ST7L: variants seen among roughly 807,000 people sequenced by gnomAD.
ST7L encodes the protein suppressor of tumorigenicity 7 protein-like.
A neutral mutation model predicts 72.5 loss-of-function variants in ST7L; 57 were observed. That is an observed-to-expected ratio of 0.79 (90% CI 0.64 to 0.98). The LOEUF (loss-of-function observed/expected upper bound fraction) is 0.98. Ranked by LOEUF, ST7L falls within the 50% of genes least tolerant of loss-of-function variation. The pLI, the probability that ST7L is intolerant of heterozygous loss-of-function variation, is 0.00. For missense variants in ST7L, 576 were observed against 672.2 expected (o/e 0.86, Z 1.58); for synonymous variants, 221 against 240.9 (o/e 0.92, Z 0.77).
At chr1:112,535,496 G>A (rs1018239849) in intron 14 of ST7L, among the ~76,000 whole-genome samples, 3 of 152,068 alleles carry the variant, frequency 2.0e-5, no homozygotes, top group Admixed American at 6.6e-5. Context: ...TTGGTAGGCC[G>A]GTGTGGACAG....
intron 3 of ST7L, among the ~76,000 whole-genome samples, chr1:112,602,713 C>CTTTTTT (rs35617753): frequency 2.9e-4 from 35 of 120,488 alleles, no homozygotes; most frequent in African/African-American, 4.2e-4. Flanking sequence ...CATTTTCTTT[C>CTTTTTT]TTTTTTTTTT....
chr1:112,579,581 T>A (rs1196231338), intron 9 of ST7L, among the ~76,000 whole-genome samples: 1 of 152,048 alleles, frequency 6.6e-6, no homozygotes, highest in Non-Finnish European at 1.5e-5. Flanking sequence ...TTCCTAGATT[T>A]ATTTTTCTTA....
At chr1:112,591,093 G>T (rs1343854015) in intron 6 of ST7L, among the ~76,000 whole-genome samples, 1 of 151,942 alleles carries the variant, frequency 6.6e-6, no homozygotes, top group African/African-American at 2.4e-5. Flanking sequence ...CCCATGCCCG[G>T]CTAATTTTTT....
At chr1:112,566,002 C>T (rs529743477) in intron 11 of ST7L, among the ~76,000 whole-genome samples, 5 of 148,416 alleles carry the variant, frequency 3.4e-5, no homozygotes, top group East Asian at 2.0e-4. Context: ...CAGAACAAAA[C>T]TCTGTCTCAA....
chr1:112,609,371 A>C (rs1460006247), intron 3 of ST7L, among the ~76,000 whole-genome samples: 2 of 152,074 alleles, frequency 1.3e-5, no homozygotes, highest in African/African-American at 4.8e-5. Context: ...TCTCTACTAA[A>C]AATACAAAAA....
At chr1:112,591,973 A>C (rs1665785835) in intron 5 of ST7L, among the ~76,000 whole-genome samples, 1 of 152,176 alleles carries the variant, frequency 6.6e-6, no homozygotes, top group African/African-American at 2.4e-5. Context: ...CATTCTGAAA[A>C]GGTTTTATGG....
intron 11 of ST7L, among the ~76,000 whole-genome samples, chr1:112,562,700 C>T (rs1660372983): frequency 6.6e-6 from 1 of 152,016 alleles, no homozygotes; most frequent in South Asian, 2.1e-4. Flanking sequence ...AGGCTGGAGA[C>T]AGATACTGGC....
intron 6 of ST7L, among the ~76,000 whole-genome samples, chr1:112,586,611 A>G (rs1664905706): frequency 6.6e-6 from 1 of 152,210 alleles, no homozygotes; most frequent in Admixed American, 6.5e-5. Context: ...TATACTTTTA[A>G]TGACTGTATG....
At chr1:112,582,572 A>T in intron 7 of ST7L, 100 bp from the exon 8 acceptor site, 1 of 612,668 alleles carries the variant, frequency 1.6e-6, no homozygotes, top group South Asian at 2.8e-5. Context: ...CCCTTGGAAG[A>T]GTCAATTAAA....
chr1:112,574,091 AT>A (rs900364167), intron 11 of ST7L, among the ~76,000 whole-genome samples: 18 of 146,454 alleles, frequency 1.2e-4, no homozygotes, highest in African/African-American at 4.5e-4. Context: ...ATTTTTTTGT[AT>A]TTTTAGTAGA....
chr1:112,601,243 A>G (rs1419746739), intron 3 of ST7L, among the ~76,000 whole-genome samples: 1 of 152,060 alleles, frequency 6.6e-6, no homozygotes, highest in Non-Finnish European at 1.5e-5. Context: ...AATAACAGAC[A>G]TGTTTTGTTC....
intron 6 of ST7L, 58 bp from the exon 7 acceptor site, chr1:112,584,184 T>C: frequency 6.4e-7 from 1 of 1,550,848 alleles, no homozygotes; most frequent in Non-Finnish European, 8.7e-7. Flanking sequence ...TGTTTTCTCT[T>C]GGTTATGTCC....
rs1412355566 is a variant in ST7L at position 112,538,157 on chromosome 1, C to G, written c.1629+3794G>C. 4.6e-5 allele frequency among the ~76,000 whole-genome samples: 7 copies of G among 152,156 alleles called. No homozygotes were observed. In the East Asian group the frequency reaches 1.3e-3, roughly 29 times the overall value. On this transcript the variant is annotated intron_variant, in intron 14 of 14. Transcript: ENST00000358039. ...CTTCTGAAGTAGAACAAGTATGTCTCAAAGATTCTTCACCAATTTCTACTT... is the reference window on the plus strand; with the variant it reads ...CTTCTGAAGTAGAACAAGTATGTCTGAAAGATTCTTCACCAATTTCTACTT...
chr1:112,599,073 A>AAAAAAATATATATATATAT (rs1190968815), intron 4 of ST7L, among the ~76,000 whole-genome samples: 4 of 56,998 alleles, frequency 7.0e-5, no homozygotes, highest in Non-Finnish European at 9.3e-5. Context: ...AAAAAAAAAA[A>AAAAAAATATATATATATAT]ATATATATAT....
At chr1:112,594,003 C>A (rs1483647273) in intron 5 of ST7L, among the ~76,000 whole-genome samples, 1 of 152,034 alleles carries the variant, frequency 6.6e-6, no homozygotes, top group Non-Finnish European at 1.5e-5. Flanking sequence ...TGGGGTTAGA[C>A]ACACCTCTAG....
intron 6 of ST7L, among the ~76,000 whole-genome samples, chr1:112,585,961 G>A (rs549623518): frequency 3.9e-5 from 6 of 152,164 alleles, no homozygotes; most frequent in South Asian, 2.1e-4. Context: ...GGTAGCTATC[G>A]TTAAGTGGGG....
chr1:112,616,760 AAT>A lies in ST7L; in HGVS notation c.288+51_288+52del. The A allele has an allele frequency of 3.6e-6, 5 of 1,379,228 alleles. No individual in the cohort carries two copies. The South Asian group carries it at 3.8e-5, about 11-fold the overall frequency. The allele number at this position is 1,379,228 out of a possible 1,614,324, so 85.4% of individuals were successfully genotyped here. A position where few individuals can be genotyped will look rare whatever the true frequency, so the allele number is the denominator to read the frequency against. On this transcript the variant is annotated intron_variant, in intron 2 of 14. Transcript: ENST00000358039. ...TCTGTCTCAAAAAAGAAAAAAAAAA[AAT>A]ATCTTTAGATAAACACCAAAACATG...
At chr1:112,535,823 T>C (rs1394193891) in intron 14 of ST7L, among the ~76,000 whole-genome samples, 2 of 152,142 alleles carry the variant, frequency 1.3e-5, no homozygotes, top group African/African-American at 2.4e-5. Context: ...ATACCAGCAA[T>C]TTCACAAATT....
intron 5 of ST7L, among the ~76,000 whole-genome samples, chr1:112,592,237 T>C (rs1000938578): frequency 1.3e-5 from 2 of 152,302 alleles, no homozygotes; most frequent in East Asian, 3.9e-4. Flanking sequence ...TCACAGTAAG[T>C]AAAGTTTTCT....
Sources: allele counts gnomAD v4.1 joint callset (sites outside exome capture counted in the v4.1 genomes callset), GRCh38; gene constraint gnomAD v4.1.1; transcripts MANE v1.5; gene names NCBI Gene and HGNC (gene_info 2026-07-23, HGNC 2026-07-21).